Variants in KCNK2 observed in about 807,000 individuals in gnomAD.
KCNK2 encodes potassium two pore domain channel subfamily K member 2, also known as potassium channel subfamily K member 2.
KCNK2 carries 21 observed loss-of-function variants against 40.5 expected under a neutral mutation model. That is an observed-to-expected ratio of 0.52 (90% CI 0.37 to 0.75). KCNK2 has a LOEUF of 0.75. Ranked by LOEUF, KCNK2 falls within the 30% of genes least tolerant of loss-of-function variation. The pLI, the probability that KCNK2 is intolerant of heterozygous loss-of-function variation, is 0.00. For synonymous variants in KCNK2, 191 were observed against 202.2 expected (o/e 0.94, Z 0.47); for missense variants, 399 against 531.6 (o/e 0.75, Z 2.45).
At chr1:215,148,440 G>T (rs1397073830) in intron 3 of KCNK2, among the ~76,000 whole-genome samples, 1 of 151,690 alleles carries the variant, frequency 6.6e-6, no homozygotes, top group Non-Finnish European at 1.5e-5. Flanking sequence ...TTTCCTTGCT[G>T]TCCAGAATAA....
intron 3 of KCNK2, among the ~76,000 whole-genome samples, chr1:215,151,687 T>A (rs1264198236): frequency 6.6e-6 from 1 of 152,138 alleles, no homozygotes; most frequent in African/African-American, 2.4e-5. Flanking sequence ...TTTGGAACTT[T>A]CGTTTGTAAT....
At chr1:215,153,259 T>C (rs959007129) in intron 3 of KCNK2, among the ~76,000 whole-genome samples, 2 of 152,206 alleles carry the variant, frequency 1.3e-5, no homozygotes, top group Non-Finnish European at 2.9e-5. Context: ...ATGTGGGGTT[T>C]GTCAATTTAT....
At chr1:215,007,848 A>G (rs532878490) in intron 1 of KCNK2, among the ~76,000 whole-genome samples, 12 of 152,322 alleles carry the variant, frequency 7.9e-5, no homozygotes, top group Non-Finnish European at 1.6e-4. Flanking sequence ...AACATCATAT[A>G]AAACAATAGA....
intron 2 of KCNK2, among the ~76,000 whole-genome samples, chr1:215,094,805 A>G (rs1230603520): frequency 1.3e-5 from 2 of 152,176 alleles, no homozygotes; most frequent in African/African-American, 4.8e-5. Context: ...GTATATATCA[A>G]TAAAATATCA....
intron 1 of KCNK2, among the ~76,000 whole-genome samples, chr1:215,059,220 G>A (rs1372042106): frequency 6.6e-6 from 1 of 151,950 alleles, no homozygotes; most frequent in African/African-American, 2.4e-5. Flanking sequence ...GGAGAGCAGA[G>A]GCCTTGCCCA....
chr1:215,165,419 C>T (rs1280771253), intron 3 of KCNK2, among the ~76,000 whole-genome samples: 1 of 152,132 alleles, frequency 6.6e-6, no homozygotes, highest in Admixed American at 6.6e-5. Flanking sequence ...TTTGACAAAA[C>T]ATTCAGAACA....
At chr1:215,131,161 G>GT (rs900605075) in intron 3 of KCNK2, among the ~76,000 whole-genome samples, 3 of 151,550 alleles carry the variant, frequency 2.0e-5, no homozygotes, top group South Asian at 4.2e-4. Context: ...CGCCCAGCAA[G>GT]TTTTTTTTAT....
intron 1 of KCNK2, among the ~76,000 whole-genome samples, chr1:215,044,824 T>TGCGC (rs1472417029): frequency 3.1e-4 from 16 of 52,420 alleles, no homozygotes; most frequent in East Asian, 1.0e-3. Context: ...TGTGTGTGTG[T>TGCGC]GTGCGCGCGC....
At chr1:215,095,884 C>T (rs1406627984) in intron 2 of KCNK2, among the ~76,000 whole-genome samples, 2 of 151,762 alleles carry the variant, frequency 1.3e-5, no homozygotes, top group African/African-American at 2.4e-5. Context: ...AAACTGAGCA[C>T]AATTATAAGG....
intron 1 of KCNK2, among the ~76,000 whole-genome samples, chr1:215,021,114 C>T (rs995634854): frequency 1.3e-5 from 2 of 152,082 alleles, no homozygotes; most frequent in South Asian, 2.1e-4. Context: ...CAGTAATTTT[C>T]ATCTATGTTT....
At chr1:215,213,688 T>C (rs893944748) in intron 6 of KCNK2, among the ~76,000 whole-genome samples, 9 of 152,128 alleles carry the variant, frequency 5.9e-5, no homozygotes, top group Non-Finnish European at 1.2e-4. Context: ...ATTAAATGAA[T>C]AGTAATTAGC....
intron 1 of KCNK2, among the ~76,000 whole-genome samples, chr1:215,057,277 T>A (rs191013816): frequency 7.0e-4 from 107 of 152,122 alleles, no homozygotes; most frequent in African/African-American, 2.1e-3. Flanking sequence ...CATATTTTTT[T>A]AAAAAAGATG....
At chr1:215,169,510 G>A in intron 4 of KCNK2, 151 bp downstream of exon 4, 1 of 552,830 alleles carries the variant, frequency 1.8e-6, no homozygotes, top group Non-Finnish European at 3.1e-6. Context: ...GTAACTCACT[G>A]TTTTTTAATT....
intron 3 of KCNK2, among the ~76,000 whole-genome samples, chr1:215,156,760 G>A (rs1021971936): frequency 6.6e-6 from 1 of 152,124 alleles, no homozygotes. Flanking sequence ...TTACCATGGT[G>A]CAACAGGAGA....
chr1:215,189,802 C>A (rs1471434902), intron 5 of KCNK2, among the ~76,000 whole-genome samples: 1 of 152,054 alleles, frequency 6.6e-6, no homozygotes, highest in Non-Finnish European at 1.5e-5. Flanking sequence ...CTTAATAACA[C>A]AATAAGATAT....
intron 5 of KCNK2, among the ~76,000 whole-genome samples, chr1:215,177,740 A>ATATATATATTTTT (rs71167812): frequency 3.1e-4 from 31 of 101,574 alleles, no homozygotes; most frequent in African/African-American, 3.9e-4. Context: ...ATATATATAT[A>ATATATATATTTTT]TTTTTTTTTT....
At chr1:215,162,374 T>G (rs553487073) in intron 3 of KCNK2, among the ~76,000 whole-genome samples, 1 of 152,226 alleles carries the variant, frequency 6.6e-6, no homozygotes, top group Admixed American at 6.5e-5. Flanking sequence ...GTATGTTGCC[T>G]GTTCACTCTG....
intron 1 of KCNK2, among the ~76,000 whole-genome samples, chr1:215,046,092 A>G (rs987470358): frequency 2.6e-5 from 4 of 152,188 alleles, no homozygotes; most frequent in African/African-American, 9.6e-5. Context: ...TGATTTACAC[A>G]TATTTAGATT....
At chr1:215,158,128 G>T (rs1396505903) in intron 3 of KCNK2, among the ~76,000 whole-genome samples, 1 of 152,172 alleles carries the variant, frequency 6.6e-6, no homozygotes, top group Non-Finnish European at 1.5e-5. Context: ...TATTTGACAA[G>T]TGAAGCAGAG....
Sources: gnomAD v4.1 joint callset for allele counts (sites outside exome capture counted in the v4.1 genomes callset) on GRCh38, gnomAD v4.1.1 for gene constraint, MANE v1.5 for transcripts, NCBI Gene and HGNC (gene_info 2026-07-23, HGNC 2026-07-21) for gene names.